CCDC148: variants seen among roughly 807,000 people sequenced by gnomAD.
CCDC148 encodes the protein coiled-coil domain containing 148, also known as coiled-coil domain-containing protein 148.
A neutral mutation model predicts 85.7 loss-of-function variants in CCDC148; 89 were observed. The ratio of observed to expected loss-of-function variants is 1.04; its 90% CI spans 0.87 to 1.24. CCDC148 has a LOEUF of 1.24. Among genes scored for constraint, CCDC148 ranks in the 50% most tolerant of loss-of-function variants. The probability of loss-of-function intolerance (pLI) is 0.00; values close to 1 mark genes in which losing one functional copy is unlikely to be tolerated. For synonymous variants in CCDC148, 230 were observed against 213.9 expected, an observed-to-expected ratio of 1.08 and a Z score of -0.66; for missense variants, 692 against 671.7, an observed-to-expected ratio of 1.03 and a Z score of -0.33.
chr2:158,435,261 A>T (rs1044420930), intron 1 of CCDC148, among the ~76,000 whole-genome samples: 4 of 152,252 alleles, frequency 2.6e-5, no homozygotes, highest in African/African-American at 9.6e-5. Context: ...GAAGCCCATC[A>T]GACTAATAGC....
chr2:158,275,656 C>G (rs959875601), intron 9 of CCDC148, among the ~76,000 whole-genome samples: 8 of 151,062 alleles, frequency 5.3e-5, no homozygotes, highest in African/African-American at 1.5e-4. Flanking sequence ...CCTTTGGTGA[C>G]AGCTGGAAGT....
chr2:158,293,956 C>CCTT lies in CCDC148; in HGVS notation c.1110+15476_1110+15477insAAG, dbSNP rs1559049522. The stretch of plus-strand genomic sequence containing the variant: ...TGCCTTCCTGCCTTCCTTCCCCTCT[C>CCTT]CCTCCCTCCCTCCCTCCCCCCCCCC... On this transcript the variant is annotated intron_variant, in intron 9 of 13. Coordinates refer to ENST00000283233, the MANE Select transcript of CCDC148 (RefSeq NM_138803.4). Among the ~76,000 whole-genome samples, 18 of 38,732 alleles carry CCTT rather than the reference C, an allele frequency of 4.6e-4. 3 individuals are homozygous for CCTT. The highest frequency in any genetic ancestry group is 5.5e-4 in the Non-Finnish European group (12 of 21,754). The allele number at this position is 38,732 out of a possible 152,430, so 25.4% of individuals were successfully genotyped here.
At chr2:158,241,673 C>T (rs1226795767) in intron 10 of CCDC148, among the ~76,000 whole-genome samples, 6 of 152,050 alleles carry the variant, frequency 3.9e-5, no homozygotes, top group African/African-American at 4.8e-5. Context: ...ATGTATCTTA[C>T]TAGGAGTTGA....
At chr2:158,260,832 A>G (rs1312575061) in intron 9 of CCDC148, among the ~76,000 whole-genome samples, 2 of 152,074 alleles carry the variant, frequency 1.3e-5, no homozygotes, top group East Asian at 3.9e-4. Context: ...CTCTACAATG[A>G]GAATTACAAA....
chr2:158,312,759 C>T lies in CCDC148; in HGVS notation c.903+997G>A, dbSNP rs150401045. 1.8e-3 allele frequency among the ~76,000 whole-genome samples: 268 copies of T among 151,802 alleles called. 1 individual carries two copies. The highest frequency in any genetic ancestry group is 6.1e-3 in the African/African-American group (253 of 41,392). On this transcript the variant is annotated intron_variant, in intron 8 of 13. Coordinates refer to ENST00000283233, the MANE Select transcript of CCDC148 (RefSeq NM_138803.4). ...AATAAATGAAAGTTATTTAAAAATC[C>T]AGAGTGAACTATTTATTATATAACA... is the stretch of plus-strand genomic sequence containing the variant.
intron 7 of CCDC148, among the ~76,000 whole-genome samples, chr2:158,329,116 T>C (rs967252702): frequency 2.0e-5 from 3 of 152,212 alleles, no homozygotes; most frequent in Admixed American, 6.5e-5. Context: ...TGGTATTGCC[T>C]AGGTTTTCTT....
chr2:158,332,711 C>G (rs1693202250), intron 7 of CCDC148, among the ~76,000 whole-genome samples: 1 of 151,906 alleles, frequency 6.6e-6, no homozygotes, highest in Non-Finnish European at 1.5e-5. Flanking sequence ...AATTTTAGAA[C>G]TTGTTATTGG....
intron 3 of CCDC148, among the ~76,000 whole-genome samples, chr2:158,341,081 A>G (rs979067259): frequency 6.6e-6 from 1 of 152,180 alleles, no homozygotes. Context: ...ATCTAGACCA[A>G]CAAGGAGGTA....
chr2:158,241,599 A>G (rs1463004308), intron 10 of CCDC148, among the ~76,000 whole-genome samples: 1 of 152,184 alleles, frequency 6.6e-6, no homozygotes, highest in Non-Finnish European at 1.5e-5. Context: ...AAGCAAATGA[A>G]TGAATGATCA....
intron 2 of CCDC148, among the ~76,000 whole-genome samples, chr2:158,345,628 G>A (rs185593794): frequency 2.0e-5 from 3 of 152,090 alleles, no homozygotes; most frequent in Non-Finnish European, 4.4e-5. Flanking sequence ...CCCCAGAAAA[G>A]TTTTCAAGAG....
chr2:158,365,150 G>A (rs1487965783), intron 1 of CCDC148, among the ~76,000 whole-genome samples: 1 of 152,108 alleles, frequency 6.6e-6, no homozygotes, highest in Non-Finnish European at 1.5e-5. Context: ...AAAAAGTCAG[G>A]AAACAACAGA....
chr2:158,277,139 A>G (rs1043489706), intron 9 of CCDC148, among the ~76,000 whole-genome samples: 5 of 152,238 alleles, frequency 3.3e-5, no homozygotes, highest in Non-Finnish European at 5.9e-5. Flanking sequence ...AGACTATACC[A>G]TTATTGAAGA....
Position 158,309,941 on chromosome 2 carries a change from T to A in CCDC148, c.904-302A>T, listed in dbSNP as rs189275174. On this transcript the variant is annotated intron_variant, in intron 8 of 13. Transcript: ENST00000283233. Reference sequence around the variant, plus strand: ...CTTTATTTTTTAAATTTTTTTAGTATTTATTGAGCATTCTTGGGTGTTTCT... The same window carrying A: ...CTTTATTTTTTAAATTTTTTTAGTAATTATTGAGCATTCTTGGGTGTTTCT... 9.2e-5 allele frequency among the ~76,000 whole-genome samples: 14 copies of A among 152,298 alleles called. No individual in the cohort carries two copies. In the East Asian group the frequency reaches 2.7e-3, roughly 29 times the overall value.
chr2:158,258,806 T>A (rs1275570604), intron 9 of CCDC148, among the ~76,000 whole-genome samples: 2 of 151,874 alleles, frequency 1.3e-5, no homozygotes, highest in Non-Finnish European at 2.9e-5. Context: ...AATACTTTAC[T>A]GAATATTTTC....
intron 11 of CCDC148, among the ~76,000 whole-genome samples, chr2:158,184,343 A>G (rs941733031): frequency 3.9e-5 from 6 of 152,096 alleles, no homozygotes; most frequent in African/African-American, 1.4e-4. Context: ...TAATTGATTA[A>G]TTAGTTAAAT....
chr2:158,354,928 G>A (rs528778929), intron 2 of CCDC148, among the ~76,000 whole-genome samples: 19 of 151,854 alleles, frequency 1.3e-4, no homozygotes, highest in East Asian at 1.2e-3. Context: ...TTCAATATAC[G>A]CAAATCAATA....
At chr2:158,278,579 C>T (rs563644957) in intron 9 of CCDC148, among the ~76,000 whole-genome samples, 20 of 152,304 alleles carry the variant, frequency 1.3e-4, no homozygotes, top group African/African-American at 2.4e-4. Context: ...GGGGGAGGGG[C>T]GCCCGCCATT....
At chr2:158,439,247 C>A (rs1027100628) in intron 1 of CCDC148, among the ~76,000 whole-genome samples, 1 of 152,088 alleles carries the variant, frequency 6.6e-6, no homozygotes, top group Non-Finnish European at 1.5e-5. Context: ...GAATGATAGA[C>A]TGGATTAAGA....
intron 11 of CCDC148, among the ~76,000 whole-genome samples, chr2:158,179,909 G>A (rs527676731): frequency 6.6e-6 from 1 of 152,148 alleles, no homozygotes; most frequent in Admixed American, 6.6e-5. Flanking sequence ...AAAATCATCG[G>A]CTATTAAAAT....
Sources: allele counts gnomAD v4.1 joint callset (sites outside exome capture counted in the v4.1 genomes callset), GRCh38; gene constraint gnomAD v4.1.1; transcripts MANE v1.5; gene names NCBI Gene and HGNC (gene_info 2026-07-23, HGNC 2026-07-21).